ATR: variants seen among roughly 807,000 people sequenced by gnomAD.
ATR encodes ATR checkpoint kinase.
In ATR, 142 loss-of-function variants were observed where a neutral mutation model predicts 305.3. The ratio of observed to expected loss-of-function variants is 0.47; its 90% confidence interval spans 0.41 to 0.53. The LOEUF is 0.53. ATR is among the 20% of genes least tolerant of loss of function. ATR has a pLI of 0.00. For missense variants in ATR, 2,135 were observed against 3,133.1 expected (o/e 0.68, Z 7.60); for synonymous variants, 1,050 against 1,068.1 (o/e 0.98, Z 0.33).
chr3:142,553,821 C>T lies in ATR; in HGVS notation c.2532+4G>A, dbSNP rs190596919. 204 of 1,613,290 alleles carry T rather than the reference C, an allele frequency of 1.3e-4. No homozygotes were observed. Among genetic ancestry groups the T allele is most frequent in the Admixed American group, 4.0e-4 (24 of 60,010 alleles). On this transcript the variant is annotated splice_donor_region_variant and intron_variant, in intron 11 of 46. Coordinates refer to ENST00000350721, the MANE Select transcript of ATR (RefSeq NM_001184.4). ...CTCAAATGTTAAAAACAAAAATTAT[C>T]AACCTCCTTTATAAATCCATCTTCA...
intron 22 of ATR, among the ~76,000 whole-genome samples, 164 bp from the exon 23 acceptor site, chr3:142,523,005 A>G (rs2033211975): frequency 6.6e-6 from 1 of 152,240 alleles, no homozygotes; most frequent in Non-Finnish European, 1.5e-5. Context: ...CAAGACTACA[A>G]TATAATCTGT....
intron 36 of ATR, among the ~76,000 whole-genome samples, chr3:142,478,789 T>C (rs2030157709): frequency 1.3e-5 from 2 of 152,204 alleles, no homozygotes; most frequent in Non-Finnish European, 2.9e-5. Flanking sequence ...TGGGTGCATA[T>C]ATATTTAGGA....
intron 6 of ATR, among the ~76,000 whole-genome samples, chr3:142,560,043 A>C (rs2034819854): frequency 6.6e-6 from 1 of 152,218 alleles, no homozygotes; most frequent in Admixed American, 6.5e-5. Context: ...AAATAGGCAT[A>C]ATAGCCTTTA....
At chr3:142,452,275 T>C (rs2070808747) in intron 46 of ATR, 1 of 994,258 alleles carries the variant, frequency 1.0e-6, no homozygotes, top group Non-Finnish European at 1.2e-6. Context: ...TAGCATATAG[T>C]TGGTATAATT....
At chr3:142,538,425 G>A (rs2108431818) in intron 19 of ATR, 57 bp downstream of exon 19, 1 of 1,548,206 alleles carries the variant, frequency 6.5e-7, no homozygotes, top group Non-Finnish European at 8.9e-7. Flanking sequence ...GTAATTTTGA[G>A]ACATAAAAAT....
intron 21 of ATR, among the ~76,000 whole-genome samples, chr3:142,529,839 T>G (rs569439531): frequency 1.3e-5 from 2 of 152,162 alleles, no homozygotes; most frequent in South Asian, 4.1e-4. Context: ...AAAAAAATTT[T>G]TTGGCCAGGA....
In ATR at chr3:142,538,513, C is replaced by A. The variant is rs1173058019; in HGVS notation, c.3694G>T (p.Ala1232Ser). Residue 1232 changes from alanine (A) to serine (S), a missense_variant, in exon 19 of 47, where the codon GCT becomes TCT. This residue lies in a region of ATR where 530 missense variants were observed against 766.8 expected (regional missense o/e 0.69). Coordinates refer to ENST00000350721, the MANE Select transcript of ATR (RefSeq NM_001184.4). ...TCAATTATGAGGTAGTGGAAGATAGCTGCAGTTTCTTTAGGCTGGATGTGT... is the reference window on the plus strand; with the variant it reads ...TCAATTATGAGGTAGTGGAAGATAGATGCAGTTTCTTTAGGCTGGATGTGT... The part of the protein sequence containing the change: ...LIHIQPKETA[A>S]IFHYLIIENR... 1 of 1,613,222 alleles carries A rather than the reference C, an allele frequency of 6.2e-7. No individual in the cohort carries two copies. Among genetic ancestry groups the A allele is most frequent in the Non-Finnish European group, 8.5e-7 (1 of 1,179,396 alleles).
At chr3:142,484,821 G>A (rs2030802891) in intron 36 of ATR, among the ~76,000 whole-genome samples, 1 of 152,052 alleles carries the variant, frequency 6.6e-6, no homozygotes, top group African/African-American at 2.4e-5. Context: ...CTTGGTGTAT[G>A]GGGAAAAAAA....
At chr3:142,459,147 A>AC (rs768716333) in intron 43 of ATR, 36 bp from the exon 44 acceptor site, 22 of 1,613,320 alleles carry the variant, frequency 1.4e-5, no homozygotes, top group East Asian at 6.7e-5. Context: ...ATATCCATAT[A>AC]CATATGAGGC....
chr3:142,566,950 G>A (rs1469457904), intron 2 of ATR, among the ~76,000 whole-genome samples: 1 of 152,024 alleles, frequency 6.6e-6, no homozygotes, highest in African/African-American at 2.4e-5. Flanking sequence ...CGTCATGTTG[G>A]CCAGGCTGGT....
intron 44 of ATR, 151 bp from the exon 45 acceptor site, chr3:142,457,906 G>A (rs997680519): frequency 9.5e-6 from 8 of 843,666 alleles, no homozygotes; most frequent in Non-Finnish European, 1.5e-5. Flanking sequence ...GTAACATGAA[G>A]GAGCCATGTA....
chr3:142,512,316 A>G lies in ATR; in HGVS notation c.4796T>C (p.Leu1599Pro), dbSNP rs749750765. The change falls in exon 27 of 47, where the codon CTG (leucine) becomes CCG (proline). Residue 1599 changes from leucine (L) to proline (P), a missense_variant. Physicochemically the swap from Leu to Pro is moderately conservative, Grantham distance 98 (BLOSUM62 -3). Coordinates refer to ENST00000350721, the MANE Select transcript of ATR (RefSeq NM_001184.4). Reference protein sequence around the residue: ...TQWARHKFQALKAEKCPHSKS... With the variant: ...TQWARHKFQAPKAEKCPHSKS... ...GCTGTGTGGACATTTCTCAGCTTTC[A>G]GTGCCTGAAATTTGTGCCTTGCCCA... The G allele has an allele frequency of 6.2e-7, 1 of 1,613,300 alleles. No individual in the cohort carries two copies. The highest frequency in any genetic ancestry group is 8.5e-7 in the Non-Finnish European group (1 of 1,179,920).
chr3:142,516,634 G>T lies in ATR; in HGVS notation c.4383-1119C>A, dbSNP rs188613079. 1.2e-3 allele frequency among the ~76,000 whole-genome samples: 182 copies of T among 151,994 alleles called. 1 individual carries two copies. The highest frequency in any genetic ancestry group is 4.1e-3 in the African/African-American group (172 of 41,458). On this transcript the variant is annotated intron_variant, in intron 24 of 46. Coordinates refer to ENST00000350721, the MANE Select transcript of ATR (RefSeq NM_001184.4). ...AGTAAAAACAAAATCATTGCTTCCC[G>T]CAATGAAATCTGTAAACTTAGCTGT...
intron 40 of ATR, 31 bp from the exon 41 acceptor site, chr3:142,465,271 G>T (rs769347618): frequency 6.3e-7 from 1 of 1,585,582 alleles, no homozygotes; most frequent in Non-Finnish European, 8.6e-7. Context: ...TATGAATTAG[G>T]GCCAAAAATT....
intron 21 of ATR, among the ~76,000 whole-genome samples, chr3:142,527,446 C>T (rs2033442905): frequency 6.6e-6 from 1 of 152,088 alleles, no homozygotes; most frequent in Non-Finnish European, 1.5e-5. Flanking sequence ...TTTTGATACA[C>T]TATATATTCC....
rs369712804 is a variant in ATR at position 142,512,267 on chromosome 3, G to C, written c.4845C>G (p.Asp1615Glu). The change falls in exon 27 of 47, where the codon GAC (aspartate) becomes GAG (glutamate). Residue 1615 changes from aspartate to glutamate, a missense_variant. Transcript: ENST00000350721. The stretch of plus-strand genomic sequence containing the variant: ...ACAGAAGTGATAACTCACCCATTGA[G>C]TCTACCTTATTTCTGTTTGATTTGC... ...PHSKSNRNKV[D>E]SMVSTVDYED... 5.0e-6 allele frequency: 8 copies of C among 1,598,394 alleles called. No homozygotes were observed. The highest frequency in any genetic ancestry group is 6.8e-6 in the Non-Finnish European group (8 of 1,168,918).
At chr3:142,495,620 C>G (rs964027710) in intron 34 of ATR, among the ~76,000 whole-genome samples, 2 of 151,772 alleles carry the variant, frequency 1.3e-5, no homozygotes, top group Admixed American at 6.6e-5. Context: ...GGCACACACC[C>G]GTAGTCCCAG....
intron 36 of ATR, chr3:142,472,452 A>G (rs143889809): frequency 6.6e-6 from 1 of 152,134 alleles, no homozygotes; most frequent in Middle Eastern, 3.4e-3. Flanking sequence ...CTTTTATATG[A>G]TAGCCATTCA....
chr3:142,529,074 G>A (rs1031820890), intron 21 of ATR, among the ~76,000 whole-genome samples: 41 of 150,632 alleles, frequency 2.7e-4, no homozygotes, highest in African/African-American at 6.1e-4. Context: ...TAGAGACAGC[G>A]TTTCACCATG....
Sources: gnomAD v4.1 joint callset for allele counts (sites outside exome capture counted in the v4.1 genomes callset) on GRCh38, gnomAD v4.1.1 for gene constraint, gnomAD v4.1.1 regional missense constraint, MANE v1.5 for transcripts, NCBI Gene and HGNC (gene_info 2026-07-23, HGNC 2026-07-21) for gene names.